Variants in ROBO1 observed in about 807,000 individuals in gnomAD.
ROBO1 encodes the protein roundabout homolog 1.
A neutral mutation model predicts 195.9 loss-of-function variants in ROBO1; 149 were observed. The ratio of observed to expected loss-of-function variants is 0.76; its 90% CI spans 0.67 to 0.87. The LOEUF (loss-of-function observed/expected upper bound fraction) is 0.87. Among genes scored for constraint, ROBO1 ranks in the 40% least tolerant of loss-of-function variants. The pLI is 0.00. For missense variants in ROBO1, 1,933 were observed against 2,068.3 expected (o/e 0.93, Z 1.27); for synonymous variants, 816 against 733.2 (o/e 1.11, Z -1.82).
intron 2 of ROBO1, among the ~76,000 whole-genome samples, chr3:79,451,495 A>G (rs1253119073): frequency 6.6e-6 from 1 of 152,144 alleles, no homozygotes; most frequent in Non-Finnish European, 1.5e-5. Context: ...TGGTAAAGTT[A>G]TATAAAGCAC....
At chr3:79,087,873 T>G (rs940628736) in intron 3 of ROBO1, among the ~76,000 whole-genome samples, 1 of 152,152 alleles carries the variant, frequency 6.6e-6, no homozygotes, top group African/African-American at 2.4e-5. Context: ...GATATACTGC[T>G]GAAACACGTC....
intron 4 of ROBO1, among the ~76,000 whole-genome samples, chr3:78,930,302 C>T (rs1165456545): frequency 6.6e-6 from 1 of 152,162 alleles, no homozygotes; most frequent in Non-Finnish European, 1.5e-5. Context: ...AGGCATGGTG[C>T]TAGGCACTTG....
intron 8 of ROBO1, among the ~76,000 whole-genome samples, chr3:78,709,999 A>G (rs1388397197): frequency 6.6e-6 from 1 of 152,180 alleles, no homozygotes; most frequent in Non-Finnish European, 1.5e-5. Context: ...ACTTCAATAC[A>G]TATCTAGGAC....
chr3:79,326,091 T>C (rs1389219141), intron 2 of ROBO1, among the ~76,000 whole-genome samples: 2 of 151,954 alleles, frequency 1.3e-5, no homozygotes, highest in Admixed American at 1.3e-4. Context: ...AAGAGGAAAT[T>C]CCCGCCTAAT....
intron 5 of ROBO1, among the ~76,000 whole-genome samples, chr3:78,728,245 T>G (rs1406234564): frequency 1.3e-5 from 2 of 152,106 alleles, no homozygotes; most frequent in African/African-American, 2.4e-5. Context: ...ATGCATTATT[T>G]TAATTATTTC....
At position 79,011,945 on chromosome 3, in the gene ROBO1, A is replaced by G. The variant is rs186655749; in HGVS notation, c.173-73018T>C. On this transcript the variant is annotated intron_variant, in intron 3 of 30. Coordinates refer to ENST00000464233, the MANE Select transcript of ROBO1 (RefSeq NM_002941.4). ...GTGTTTCAAGCAGAACACTGCAAAT[A>G]ATCTTAGAGGAGAGCTTTGAGGACT... Among the ~76,000 whole-genome samples, 19 of 152,130 alleles carry G rather than the reference A, an allele frequency of 1.2e-4. No individual in the cohort carries two copies. In the East Asian group the frequency reaches 3.7e-3, roughly 30 times the overall value.
chr3:78,605,069 C>T (rs1174088872), intron 29 of ROBO1, among the ~76,000 whole-genome samples: 1 of 152,212 alleles, frequency 6.6e-6, no homozygotes, highest in Non-Finnish European at 1.5e-5. Flanking sequence ...TTTCCATTCA[C>T]TTTCCAACTC....
intron 10 of ROBO1, among the ~76,000 whole-genome samples, chr3:78,675,819 C>T (rs1046361215): frequency 1.2e-4 from 18 of 152,226 alleles, no homozygotes; most frequent in Admixed American, 4.6e-4. Context: ...TTGAAGAGAG[C>T]AGTGGTTCTC....
intron 3 of ROBO1, among the ~76,000 whole-genome samples, chr3:78,947,622 GCAAAAGTAAACACATT>G (rs2040521507): frequency 6.6e-6 from 1 of 152,050 alleles, no homozygotes; most frequent in Non-Finnish European, 1.5e-5. Context: ...AACCAGAAAA[GCAAAAGTAAACACATT>G]CAAAAGCTAG....
chr3:78,685,093 T>C (rs893634338), intron 10 of ROBO1, among the ~76,000 whole-genome samples: 1 of 152,086 alleles, frequency 6.6e-6, no homozygotes, highest in Admixed American at 6.6e-5. Flanking sequence ...ACATATACTA[T>C]ACATGTATAT....
At chr3:79,595,724 C>CTTTT (rs371458059) in intron 1 of ROBO1, among the ~76,000 whole-genome samples, 1 of 138,434 alleles carries the variant, frequency 7.2e-6, no homozygotes. Context: ...TTTCTTTTTA[C>CTTTT]TTTTTTTTTT....
intron 1 of ROBO1, among the ~76,000 whole-genome samples, chr3:79,699,298 A>G (rs1294012936): frequency 6.6e-6 from 1 of 151,378 alleles, no homozygotes; most frequent in African/African-American, 2.4e-5. Flanking sequence ...ATGATATGTT[A>G]CTAAACAACA....
intron 2 of ROBO1, among the ~76,000 whole-genome samples, chr3:79,174,711 A>AAAAAAACT (rs2081234710): frequency 1.3e-5 from 2 of 152,040 alleles, no homozygotes; most frequent in African/African-American, 2.4e-5. Flanking sequence ...AAAATACAAA[A>AAAAAAACT]AAAAAAACTG....
At chr3:78,996,461 A>G (rs1201066331) in intron 3 of ROBO1, among the ~76,000 whole-genome samples, 2 of 151,976 alleles carry the variant, frequency 1.3e-5, no homozygotes, top group African/African-American at 2.4e-5. Flanking sequence ...GAATTTCTGC[A>G]TTTATTCTAT....
chr3:79,485,193 T>A (rs1352766271), intron 2 of ROBO1, among the ~76,000 whole-genome samples: 1 of 152,156 alleles, frequency 6.6e-6, no homozygotes, highest in East Asian at 1.9e-4. Flanking sequence ...AATAAAAAGA[T>A]GTTTGTATGC....
At chr3:78,879,366 C>A (rs1426449605) in intron 4 of ROBO1, among the ~76,000 whole-genome samples, 1 of 152,080 alleles carries the variant, frequency 6.6e-6, no homozygotes, top group Non-Finnish European at 1.5e-5. Context: ...TGCCTACAAG[C>A]TGACTGCACA....
intron 2 of ROBO1, among the ~76,000 whole-genome samples, chr3:79,558,180 G>T (rs1375213408): frequency 1.3e-5 from 2 of 152,000 alleles, no homozygotes; most frequent in African/African-American, 4.8e-5. Flanking sequence ...CACCAAGTGT[G>T]CCTGCCTCTC....
At chr3:78,839,349 T>G (rs544319750) in intron 4 of ROBO1, among the ~76,000 whole-genome samples, 1 of 152,080 alleles carries the variant, frequency 6.6e-6, no homozygotes, top group South Asian at 2.1e-4. Flanking sequence ...TAATGATGTA[T>G]AGTGATGATA....
At chr3:79,619,106 A>G (rs12497955) in intron 1 of ROBO1, among the ~76,000 whole-genome samples, 69 of 3,044 alleles carry the variant, frequency 0.023, no homozygotes, top group African/African-American at 0.081. Context: ...ATCACTGCAG[A>G]GACACCTGCC....
Sources: allele counts gnomAD v4.1 joint callset (sites outside exome capture counted in the v4.1 genomes callset), GRCh38; gene constraint gnomAD v4.1.1; transcripts MANE v1.5; gene names NCBI Gene and HGNC (gene_info 2026-07-23, HGNC 2026-07-21).